GRID2: variants seen among roughly 807,000 people sequenced by gnomAD.
GRID2 encodes the protein glutamate receptor ionotropic, delta-2.
A neutral mutation model predicts 114.8 loss-of-function variants in GRID2; 33 were observed. The ratio of observed to expected loss-of-function variants is 0.29; its 90% confidence interval spans 0.22 to 0.38. The LOEUF (loss-of-function observed/expected upper bound fraction) is 0.38. Among genes scored for constraint, GRID2 ranks in the 10% least tolerant of loss-of-function variants. The probability of loss-of-function intolerance (pLI) is 1.00; values close to 1 mark genes in which losing one functional copy is unlikely to be tolerated. For missense variants in GRID2, 1,184 were observed against 1,257.7 expected, an observed-to-expected ratio of 0.94 and a Z score of 0.89; for synonymous variants, 505 against 449.9, an observed-to-expected ratio of 1.12 and a Z score of -1.55.
intron 2 of GRID2, among the ~76,000 whole-genome samples, chr4:92,693,818 G>A (rs576244004): frequency 6.6e-6 from 1 of 152,314 alleles, no homozygotes; most frequent in South Asian, 2.1e-4. Context: ...ACTCTGTTAA[G>A]TAAAGCAGTT....
chr4:93,547,018 C>T (rs1353071672), intron 13 of GRID2, among the ~76,000 whole-genome samples: 4 of 152,116 alleles, frequency 2.6e-5, no homozygotes, highest in Non-Finnish European at 4.4e-5. Context: ...CAAAGCCCAT[C>T]AAAGGTGAAA....
At chr4:93,668,751 A>G (rs1202097066) in intron 14 of GRID2, among the ~76,000 whole-genome samples, 1 of 152,096 alleles carries the variant, frequency 6.6e-6, no homozygotes, top group Non-Finnish European at 1.5e-5. Flanking sequence ...TCAATGGATA[A>G]TGGAAGAATT....
intron 4 of GRID2, among the ~76,000 whole-genome samples, chr4:93,138,129 T>G (rs982271901): frequency 3.3e-5 from 5 of 151,862 alleles, no homozygotes; most frequent in African/African-American, 1.2e-4. Flanking sequence ...TATATCATCA[T>G]GCCCTGCTAA....
At position 92,924,400 on chromosome 4, in the gene GRID2, TA is replaced by T. The variant is rs76398831; in HGVS notation, c.245-160583del. ...TGTACCCTAAAACTTAAAGTATAAT[TA>T]AAAAAAAAAAAGAAATTATTCGGTC... On this transcript the variant is annotated intron_variant, in intron 2 of 15. Coordinates refer to ENST00000282020, the MANE Select transcript of GRID2 (RefSeq NM_001510.4). Among the ~76,000 whole-genome samples the T allele has an allele frequency of 5.2e-3, 738 of 142,620 alleles. 3 individuals are homozygous for T. Among genetic ancestry groups the T allele is most frequent in the African/African-American group, 0.01 (409 of 39,132 alleles). The allele number at this position is 142,620 out of a possible 152,430, so 93.6% of individuals were successfully genotyped here. A position where few individuals can be genotyped will look rare whatever the true frequency, so the allele number is the denominator to read the frequency against.
intron 1 of GRID2, among the ~76,000 whole-genome samples, chr4:92,419,233 C>T (rs1731769864): frequency 6.6e-6 from 1 of 152,084 alleles, no homozygotes. Flanking sequence ...TTATCTTTCT[C>T]CTGTGACTGT....
At chr4:93,612,472 G>A (rs1741054378) in intron 13 of GRID2, among the ~76,000 whole-genome samples, 1 of 130,056 alleles carries the variant, frequency 7.7e-6, no homozygotes, top group Non-Finnish European at 1.7e-5. Flanking sequence ...TCCATGTTTA[G>A]CGCTTCCTTC....
At chr4:93,652,904 C>A (rs1722714073) in intron 14 of GRID2, among the ~76,000 whole-genome samples, 1 of 150,258 alleles carries the variant, frequency 6.7e-6, no homozygotes, top group Non-Finnish European at 1.5e-5. Flanking sequence ...GGAAGATACA[C>A]AAAGGACATG....
At chr4:92,576,233 A>T (rs1431259382) in intron 1 of GRID2, among the ~76,000 whole-genome samples, 1 of 152,220 alleles carries the variant, frequency 6.6e-6, no homozygotes, top group East Asian at 1.9e-4. Context: ...GAAGCACTCC[A>T]GCCATGTTCT....
intron 2 of GRID2, among the ~76,000 whole-genome samples, chr4:93,029,829 C>G (rs1331138845): frequency 6.6e-6 from 1 of 152,046 alleles, no homozygotes; most frequent in South Asian, 2.1e-4. Context: ...TGCCCAGTCT[C>G]TCAAAAGAAA....
At chr4:93,779,786 G>A (rs1734443076) in intron 1 of GRID2, among the ~76,000 whole-genome samples, 1 of 152,180 alleles carries the variant, frequency 6.6e-6, no homozygotes, top group African/African-American at 2.4e-5. Flanking sequence ...GCAACCATAG[G>A]ACAAGCGTTG....
chr4:93,730,811 G>A (rs922717664), intron 14 of GRID2, among the ~76,000 whole-genome samples: 3 of 152,246 alleles, frequency 2.0e-5, no homozygotes, highest in African/African-American at 7.2e-5. Flanking sequence ...GGCACCTGAA[G>A]GTGGCCCCTG....
Position 92,929,396 on chromosome 4 carries a change from C to A in GRID2, c.245-155599C>A, listed in dbSNP as rs187051638. ...TATATTTTGATTAAAAAAATTATTT[C>A]TTCTTTAAAAGATACATTAAAAAAC... On this transcript the variant is annotated intron_variant, in intron 2 of 15. Coordinates refer to ENST00000282020, the MANE Select transcript of GRID2 (RefSeq NM_001510.4). Among the ~76,000 whole-genome samples the A allele has an allele frequency of 3.1e-3, 474 of 150,874 alleles. 4 individuals carry two copies. Among genetic ancestry groups the A allele is most frequent in the African/African-American group, 0.011 (453 of 41,308 alleles).
At chr4:93,365,142 T>C (rs554949121) in intron 8 of GRID2, among the ~76,000 whole-genome samples, 2 of 152,294 alleles carry the variant, frequency 1.3e-5, no homozygotes, top group Admixed American at 1.3e-4. Flanking sequence ...TTTTATTGAA[T>C]GCAGCCAGAA....
intron 4 of GRID2, among the ~76,000 whole-genome samples, chr4:93,121,199 A>G (rs1023590967): frequency 1.3e-5 from 2 of 152,134 alleles, no homozygotes; most frequent in Non-Finnish European, 1.5e-5. Flanking sequence ...ACAATGCACA[A>G]TTTTAAAGAT....
chr4:93,741,345 A>T (rs1296526193), intron 14 of GRID2, among the ~76,000 whole-genome samples: 1 of 151,752 alleles, frequency 6.6e-6, no homozygotes, highest in Non-Finnish European at 1.5e-5. Context: ...GAGTGTTAAC[A>T]TTTAAAATAT....
chr4:93,033,570 G>T (rs1268399012), intron 2 of GRID2, among the ~76,000 whole-genome samples: 1 of 152,094 alleles, frequency 6.6e-6, no homozygotes, highest in African/African-American at 2.4e-5. Flanking sequence ...AGGAGGTCTA[G>T]CTATATTAAC....
intron 2 of GRID2, among the ~76,000 whole-genome samples, chr4:93,070,780 C>T (rs1370465793): frequency 6.6e-6 from 1 of 151,910 alleles, no homozygotes; most frequent in Non-Finnish European, 1.5e-5. Context: ...TCATTTTAGT[C>T]AAATAAAACT....
chr4:93,190,152 TG>T, intron 4 of GRID2, among the ~76,000 whole-genome samples: 1 of 152,152 alleles, frequency 6.6e-6, no homozygotes, highest in South Asian at 2.1e-4. Flanking sequence ...TAAAATAAAA[TG>T]TTTCAAGAAA....
At chr4:93,399,826 A>C in intron 9 of GRID2, among the ~76,000 whole-genome samples, 1 of 152,102 alleles carries the variant, frequency 6.6e-6, no homozygotes, top group East Asian at 1.9e-4. Context: ...CTAAGTAAGG[A>C]AGACCATGAA....
Sources: gnomAD v4.1 joint callset for allele counts (sites outside exome capture counted in the v4.1 genomes callset) on GRCh38, gnomAD v4.1.1 for gene constraint, MANE v1.5 for transcripts, NCBI Gene and HGNC (gene_info 2026-07-23, HGNC 2026-07-21) for gene names.